TDRP: variants seen among roughly 807,000 people sequenced by gnomAD.
TDRP encodes testis development-related protein.
A neutral mutation model predicts 10.5 loss-of-function variants in TDRP; 12 were observed. The ratio of observed to expected loss-of-function variants is 1.15; its 90% CI spans 0.73 to 1.86. The LOEUF (loss-of-function observed/expected upper bound fraction) is 1.86. TDRP is among the 40% of genes most tolerant of loss of function. The pLI is 0.00. For missense variants in TDRP, 353 were observed against 229.2 expected (o/e 1.54, Z -3.49); for synonymous variants, 139 against 95.4 (o/e 1.46, Z -2.67).
At chr8:523,549 T>G (rs1443305243) in intron 1 of TDRP, among the ~76,000 whole-genome samples, 2 of 152,198 alleles carry the variant, frequency 1.3e-5, no homozygotes, top group African/African-American at 4.8e-5. Context: ...GGACTTGCCC[T>G]GGGCCAAAGG....
At chr8:512,679 T>A (rs1047229965) in intron 1 of TDRP, among the ~76,000 whole-genome samples, 1 of 151,896 alleles carries the variant, frequency 6.6e-6, no homozygotes, top group Non-Finnish European at 1.5e-5. Flanking sequence ...AATACATATA[T>A]AACAAGTGAA....
At position 492,509 on chromosome 8, in the gene TDRP, C is replaced by T. The variant is rs779095161; in HGVS notation, c.448G>A (p.Ala150Thr). The part of the protein sequence containing the change: ...AKGSTKYTSL[A>T]SSANSSRWSL... ...CACCTGGAGCTGTTGGCAGAGCTGG[C>T]CAGGCTGGTGTACTTGGTCGAGCCC... is the stretch of plus-strand genomic sequence containing the variant. The change falls in exon 3 of 3, where the codon GCC becomes ACC. Residue 150 changes from alanine (A) to threonine (T), a missense_variant. Transcript: ENST00000324079. The T allele has an allele frequency of 6.2e-6, 10 of 1,610,140 alleles. No individual in the cohort carries two copies. Among genetic ancestry groups the T allele is most frequent in the Non-Finnish European group, 8.5e-6 (10 of 1,177,942 alleles).
At chr8:502,283 G>C (rs1801326198) in intron 1 of TDRP, among the ~76,000 whole-genome samples, 1 of 152,224 alleles carries the variant, frequency 6.6e-6, no homozygotes, top group East Asian at 1.9e-4. Context: ...GGAAAACATT[G>C]GTTGATGAAC....
At chr8:533,652 C>T (rs551696235) in intron 1 of TDRP, among the ~76,000 whole-genome samples, 16 of 152,300 alleles carry the variant, frequency 1.1e-4, no homozygotes, top group African/African-American at 3.1e-4. Context: ...AATTCTTCAA[C>T]ATTCAGCTAA....
intron 1 of TDRP, among the ~76,000 whole-genome samples, chr8:526,691 A>G (rs1222220056): frequency 6.6e-6 from 1 of 152,132 alleles, no homozygotes; most frequent in African/African-American, 2.4e-5. Flanking sequence ...CTGGTTTTAT[A>G]TGAGGGCAAT....
intron 1 of TDRP, among the ~76,000 whole-genome samples, chr8:520,586 C>T (rs1296291728): frequency 6.6e-6 from 1 of 152,216 alleles, no homozygotes; most frequent in Non-Finnish European, 1.5e-5. Flanking sequence ...TTCCAATCTC[C>T]CCGCATCCTT....
At chr8:500,786 C>T (rs1801270667) in intron 1 of TDRP, among the ~76,000 whole-genome samples, 1 of 152,156 alleles carries the variant, frequency 6.6e-6, no homozygotes, top group Non-Finnish European at 1.5e-5. Context: ...GTCCTGACAA[C>T]CAGGGCAGGA....
intron 1 of TDRP, among the ~76,000 whole-genome samples, chr8:517,923 G>A (rs989557375): frequency 6.6e-6 from 1 of 152,208 alleles, no homozygotes; most frequent in Non-Finnish European, 1.5e-5. Flanking sequence ...TATGGAGACA[G>A]TAAAAAGATC....
Position 492,649 on chromosome 8 carries a change from G to A in TDRP, c.308C>T (p.Pro103Leu). 1 of 1,613,950 alleles carries A rather than the reference G, an allele frequency of 6.2e-7. No individual in the cohort carries two copies. Residue 103 changes from proline (P) to leucine (L), a missense_variant, in exon 3 of 3, where the codon CCA becomes CTA. Pro to Leu is a moderately conservative substitution (Grantham distance 98). Transcript: ENST00000324079. ...VLKQNIQSKK[P>L]DEIEGWEPPK... ...AGGCTCCCAACCTTCAATTTCATCT[G>A]GTTTTTTAGACTGTATATTCTGTTT...
At chr8:527,415 C>A (rs1164639933) in intron 1 of TDRP, among the ~76,000 whole-genome samples, 1 of 151,844 alleles carries the variant, frequency 6.6e-6, no homozygotes, top group South Asian at 2.1e-4. Flanking sequence ...AAAAAAAATC[C>A]TAAAATGTAT....
At chr8:502,924 G>T (rs920504742) in intron 1 of TDRP, among the ~76,000 whole-genome samples, 5 of 148,492 alleles carry the variant, frequency 3.4e-5, no homozygotes, top group African/African-American at 1.0e-4. Flanking sequence ...ACCTCAGCAC[G>T]TGTCAACATT....
chr8:501,141 G>C (rs1386257673), intron 1 of TDRP, among the ~76,000 whole-genome samples: 2 of 151,760 alleles, frequency 1.3e-5, no homozygotes, highest in Non-Finnish European at 1.5e-5. Context: ...AGGAGGTGGA[G>C]CTTGCAGTGA....
intron 1 of TDRP, among the ~76,000 whole-genome samples, chr8:502,373 C>T (rs988366377): frequency 6.6e-6 from 1 of 152,190 alleles, no homozygotes; most frequent in Non-Finnish European, 1.5e-5. Flanking sequence ...CAGGAAGGCC[C>T]GCAGCCGTGT....
intron 1 of TDRP, among the ~76,000 whole-genome samples, chr8:503,336 C>T (rs541086051): frequency 6.6e-6 from 1 of 152,126 alleles, no homozygotes; most frequent in South Asian, 2.1e-4. Flanking sequence ...GGAACCAATG[C>T]CCACCTCAGC....
rs1800963723 is a variant in TDRP, at chr8:491,247, A to T, written c.*1152T>A. 1 of 171,426 alleles carries T rather than the reference A, an allele frequency of 5.8e-6. No individual in the cohort carries two copies. Among genetic ancestry groups the T allele is most frequent in the Non-Finnish European group, 1.2e-5 (1 of 81,102 alleles). 10.6% of individuals were successfully genotyped at this position (171,426 alleles called of 1,614,324 possible). ...TCTTGTTTTTACGTGAGGGGAATGC[A>T]CAGTGTAACTGGAGGTTTTATTTTA... On this transcript the variant is annotated 3_prime_UTR_variant, in exon 3 of 3. Coordinates refer to ENST00000324079, the MANE Select transcript of TDRP (RefSeq NM_001384899.1).
rs1460297248 is a variant in TDRP at position 491,963 on chromosome 8, T to G, written c.*436A>C. The G allele has an allele frequency of 9.0e-7, 1 of 1,113,246 alleles. No homozygotes were observed. Among genetic ancestry groups the G allele is most frequent in the Non-Finnish European group, 1.1e-6 (1 of 914,612 alleles). 69.0% of individuals were successfully genotyped at this position (1,113,246 alleles called of 1,614,324 possible). A position where few individuals can be genotyped will look rare whatever the true frequency, so the allele number is the denominator to read the frequency against. ...ACTTTGGAAGATTCATCTTACCTCC[T>G]GACTAATTTTCTAGCAAAAGAAAAG... On this transcript the variant is annotated 3_prime_UTR_variant, in exon 3 of 3. Transcript: ENST00000324079.
intron 1 of TDRP, among the ~76,000 whole-genome samples, chr8:505,283 C>A (rs750739159): frequency 6.6e-6 from 1 of 152,166 alleles, no homozygotes; most frequent in Admixed American, 6.5e-5. Context: ...ATTAACTGTA[C>A]AAGTCCACAA....
rs146172866 is a variant in TDRP, at chr8:492,363, C to T, written c.*36G>A. Reference sequence around the variant, plus strand: ...AACTACATGGTATACTCATAAAAGGCCACCATGTCGGGGCACACTTGCCAC... The same window carrying T: ...AACTACATGGTATACTCATAAAAGGTCACCATGTCGGGGCACACTTGCCAC... On this transcript the variant is annotated 3_prime_UTR_variant, in exon 3 of 3. Transcript: ENST00000324079. The T allele has an allele frequency of 6.2e-6, 9 of 1,458,120 alleles. No individual in the cohort carries two copies. The African/African-American group carries it at 8.5e-5, about 14-fold the overall frequency. The allele number at this position is 1,458,120 out of a possible 1,614,324, so 90.3% of individuals were successfully genotyped here.
At chr8:544,860 C>A, upstream of TDRP, 2 of 870,920 alleles carry the variant, frequency 2.3e-6, no homozygotes, top group East Asian at 7.2e-5. Context: ...GGGACGCGGG[C>A]CCAGTGGGCC....
Sources: gnomAD v4.1 joint callset for allele counts (sites outside exome capture counted in the v4.1 genomes callset) on GRCh38, gnomAD v4.1.1 for gene constraint, MANE v1.5 for transcripts, NCBI Gene and HGNC (gene_info 2026-07-23, HGNC 2026-07-21) for gene names.